FEZ2: variants seen among roughly 807,000 people sequenced by gnomAD.
FEZ2 encodes fasciculation and elongation protein zeta 2.
In FEZ2, 51 loss-of-function variants were observed where a neutral mutation model predicts 40.4. The ratio of observed to expected loss-of-function variants is 1.26; its 90% CI spans 1.01 to 1.59. The LOEUF is 1.59. FEZ2 is among the 40% of genes most tolerant of loss of function. The probability of loss-of-function intolerance (pLI) is 0.00; values close to 1 mark genes in which losing one functional copy is unlikely to be tolerated. For synonymous variants in FEZ2, 242 were observed against 172.0 expected (o/e 1.41, Z -3.18); for missense variants, 640 against 438.3 (o/e 1.46, Z -4.11).
chr2:36,578,662 T>G lies in FEZ2; in HGVS notation c.838A>C (p.Lys280Gln). 1 of 1,613,736 alleles carries G rather than the reference T, an allele frequency of 6.2e-7. No homozygotes were observed. The highest frequency in any genetic ancestry group is 1.3e-5 in the African/African-American group (1 of 74,974). The change falls in exon 5 of 8, where the codon AAA becomes CAA. Residue 280 changes from lysine to glutamine, a missense_variant. Transcript: ENST00000405912. Reference sequence around the variant, plus strand: ...GAGCTGCCATTTTTTAGTTTCTTTTTCTTTTTTGCTGTTTCTTTGTGCTCT... The same window carrying G: ...GAGCTGCCATTTTTTAGTTTCTTTTGCTTTTTTGCTGTTTCTTTGTGCTCT... ...QKEHKETAKK[K>Q]KKLKNGSSQN...
chr2:36,574,962 C>G (rs938450569), intron 5 of FEZ2, among the ~76,000 whole-genome samples: 33 of 152,178 alleles, frequency 2.2e-4, no homozygotes, highest in Admixed American at 5.9e-4. Context: ...TAGGCAGGCT[C>G]CCTTGTCAAT....
At chr2:36,559,589 T>G (rs1249260999) in intron 5 of FEZ2, among the ~76,000 whole-genome samples, 1 of 152,264 alleles carries the variant, frequency 6.6e-6, no homozygotes, top group Non-Finnish European at 1.5e-5. Flanking sequence ...CTTTTTGACG[T>G]AGACTTCTTG....
At chr2:36,556,850 T>G (rs577736018) in intron 6 of FEZ2, 1 of 152,334 alleles carries the variant, frequency 6.6e-6, no homozygotes, top group African/African-American at 2.4e-5. Flanking sequence ...ATAGCTTTTA[T>G]CAGGAAGACT....
At chr2:36,579,670 T>C (rs1668677093) in intron 4 of FEZ2, among the ~76,000 whole-genome samples, 1 of 152,144 alleles carries the variant, frequency 6.6e-6, no homozygotes, top group African/African-American at 2.4e-5. Flanking sequence ...GCTTCCTGTA[T>C]AGCCTGTGGA....
chr2:36,558,357 A>T, intron 6 of FEZ2, 81 bp downstream of exon 6: 8 of 823,778 alleles, frequency 9.7e-6, no homozygotes. Flanking sequence ...AACACTAACA[A>T]CAAAATCAGC....
At chr2:36,571,569 C>A (rs1213263605) in intron 5 of FEZ2, among the ~76,000 whole-genome samples, 1 of 151,890 alleles carries the variant, frequency 6.6e-6, no homozygotes. Flanking sequence ...GCAGGAGAAC[C>A]GCTTGAACCC....
chr2:36,598,167 C>CAGG lies in FEZ2; in HGVS notation c.-26_-25insCCT. ...TCGCCGCCCGGAGCAGTCGCGCGCC[C>CAGG]CGCCCAGGCCGGCCCAGCCCGCCCA... On this transcript the variant is annotated 5_prime_UTR_variant, in exon 1 of 8. Transcript: ENST00000405912. 7.8e-7 allele frequency: 1 copy of CAGG among 1,285,260 alleles called. No individual in the cohort carries two copies. The highest frequency in any genetic ancestry group is 9.7e-7 in the Non-Finnish European group (1 of 1,035,168). The allele number at this position is 1,285,260 out of a possible 1,614,324, so 79.6% of individuals were successfully genotyped here.
intron 7 of FEZ2, chr2:36,554,266 G>C (rs1044278893): frequency 4.2e-6 from 2 of 470,954 alleles, no homozygotes; most frequent in Non-Finnish European, 8.8e-6. Flanking sequence ...TATAGTCCTA[G>C]GTTTTCAGAG....
intron 2 of FEZ2, among the ~76,000 whole-genome samples, chr2:36,584,982 C>T: frequency 6.6e-6 from 1 of 152,152 alleles, no homozygotes; most frequent in East Asian, 1.9e-4. Context: ...GACGACAGCC[C>T]TTCTCATTTT....
chr2:36,582,207 T>C (rs1034467908), intron 3 of FEZ2, among the ~76,000 whole-genome samples: 2 of 147,142 alleles, frequency 1.4e-5, no homozygotes, highest in Non-Finnish European at 3.0e-5. Context: ...ACTCAATAGT[T>C]AGAAAAAAGG....
intron 5 of FEZ2, chr2:36,559,001 C>T (rs979262766): frequency 1.2e-4 from 18 of 152,170 alleles, no homozygotes; most frequent in African/African-American, 4.3e-4. Flanking sequence ...TATAACATGA[C>T]AACTTTGAAA....
chr2:36,582,656 A>G (rs1668784005), intron 3 of FEZ2, among the ~76,000 whole-genome samples: 1 of 152,150 alleles, frequency 6.6e-6, no homozygotes, highest in African/African-American at 2.4e-5. Context: ...AAATAACACA[A>G]TTTTAATGTA....
intron 5 of FEZ2, among the ~76,000 whole-genome samples, chr2:36,577,229 A>G (rs1668598916): frequency 6.6e-6 from 1 of 151,598 alleles, no homozygotes; most frequent in Non-Finnish European, 1.5e-5. Flanking sequence ...ATACCTGAGA[A>G]CTTTTTTCAA....
chr2:36,558,598 T>A, intron 5 of FEZ2, 85 bp from the exon 6 acceptor site: 1 of 665,202 alleles, frequency 1.5e-6, no homozygotes, highest in Admixed American at 3.2e-5. Flanking sequence ...AGAAGGTCTA[T>A]CTGATAATAT....
chr2:36,580,240 C>A (rs531976854), intron 4 of FEZ2, among the ~76,000 whole-genome samples: 1 of 152,354 alleles, frequency 6.6e-6, no homozygotes, highest in East Asian at 1.9e-4. Context: ...GACGTTAACA[C>A]TGTTTAGCCC....
At chr2:36,587,615 G>A (rs1187352870) in intron 2 of FEZ2, among the ~76,000 whole-genome samples, 1 of 151,874 alleles carries the variant, frequency 6.6e-6, no homozygotes, top group African/African-American at 2.4e-5. Flanking sequence ...TAGTTTTCCT[G>A]AATGTTTTTC....
intron 5 of FEZ2, among the ~76,000 whole-genome samples, chr2:36,562,861 G>T (rs1237642360): frequency 6.6e-6 from 1 of 152,108 alleles, no homozygotes; most frequent in Admixed American, 6.5e-5. Flanking sequence ...ACAAAGAGAA[G>T]AGTACTTGTT....
intron 5 of FEZ2, among the ~76,000 whole-genome samples, chr2:36,571,258 T>C (rs1303495467): frequency 6.6e-6 from 1 of 152,250 alleles, no homozygotes; most frequent in Non-Finnish European, 1.5e-5. Context: ...CCTTCTATCA[T>C]GCTAATAGTA....
chr2:36,583,373 G>A lies in FEZ2; in HGVS notation c.472C>T (p.Pro158Ser), dbSNP rs1008065733. The change falls in exon 3 of 8, where the codon CCC (proline) becomes TCC (serine). Residue 158 changes from proline (P) to serine (S), a missense_variant. Coordinates refer to ENST00000405912, the MANE Select transcript of FEZ2 (RefSeq NM_005102.3). ...TATACCTGGTCTGCCGTGAAGAGGG[G>A]TTCATCATTAACACAGGAGACGATG... ...SIIVSCVNDE[P>S]LFTADQVIEE... 5.7e-6 allele frequency: 9 copies of A among 1,583,634 alleles called. No individual in the cohort carries two copies. The highest frequency in any genetic ancestry group is 1.7e-5 in the Admixed American group (1 of 59,964).
Sources: gnomAD v4.1 joint callset for allele counts (sites outside exome capture counted in the v4.1 genomes callset) on GRCh38, gnomAD v4.1.1 for gene constraint, MANE v1.5 for transcripts, NCBI Gene and HGNC (gene_info 2026-07-23, HGNC 2026-07-21) for gene names.